NOLC1: variants seen among roughly 807,000 people sequenced by gnomAD.
NOLC1 encodes the protein 140 kDa nucleolar phosphoprotein.
Under a neutral mutation model 73.4 loss-of-function variants are expected in NOLC1, and 37 were observed. That is an observed-to-expected ratio of 0.50 (90% confidence interval 0.39 to 0.66). The LOEUF (loss-of-function observed/expected upper bound fraction) is 0.66. Among genes scored for constraint, NOLC1 ranks in the 30% least tolerant of loss-of-function variants. The pLI, the probability that NOLC1 is intolerant of heterozygous loss-of-function variation, is 0.00. For synonymous variants in NOLC1, 327 were observed against 302.6 expected (o/e 1.08, Z -0.84); for missense variants, 921 against 838.9 (o/e 1.10, Z -1.21).
At chr10:102,160,049 C>T (rs2069673572) in intron 8 of NOLC1, 25 bp downstream of exon 8, 2 of 1,608,500 alleles carry the variant, frequency 1.2e-6, no homozygotes. Context: ...TGCAGCCTCC[C>T]CTCAGCGTGG....
In NOLC1 at chr10:102,159,424, C is replaced by T; in HGVS notation, c.724-9C>T. ...TTTCCTGTGGTAATCAATTTTCTTT[C>T]TAATGCAGACTGTACCTAAAAAGCA... On this transcript the variant is annotated splice_polypyrimidine_tract_variant and intron_variant, in intron 6 of 12. Coordinates refer to ENST00000605788, the MANE Select transcript of NOLC1 (RefSeq NM_004741.5). The T allele has an allele frequency of 6.2e-7, 1 of 1,613,966 alleles. No homozygotes were observed. Among genetic ancestry groups the T allele is most frequent in the Non-Finnish European group, 8.5e-7 (1 of 1,179,954 alleles).
chr10:102,158,109 G>C lies in NOLC1; in HGVS notation c.502G>C (p.Asp168His). 1 of 1,614,072 alleles carries C rather than the reference G, an allele frequency of 6.2e-7. No homozygotes were observed. Among genetic ancestry groups the C allele is most frequent in the South Asian group, 1.1e-5 (1 of 91,064 alleles). ...TCCTCCTAAGAAGGCCAAGAGCTCT[G>C]ATTCTGATTCTGACTCAAGCTCCGA... is the stretch of plus-strand genomic sequence containing the variant. ...KAPPKKAKSS[D>H]SDSDSSSEDE... is the part of the protein sequence containing the mutation. Residue 168 changes from aspartate to histidine, a missense_variant, in exon 5 of 13, where the codon GAT (aspartate) becomes CAT (histidine). Transcript: ENST00000605788.
rs753438772 is a variant in NOLC1, at chr10:102,161,927, TGA to T, written c.1941+11_1941+12del. ...GCGGACAACTCCTTTGATGCCAAGG[TGA>T]GAGAGAGATCTGTGCCATTCTTGGG... On this transcript the variant is annotated splice_donor_region_variant and intron_variant, in intron 12 of 12. Transcript: ENST00000605788. 316 of 1,613,566 alleles carry T rather than the reference TGA, an allele frequency of 2.0e-4. No individual in the cohort carries two copies. The highest frequency in any genetic ancestry group is 2.6e-4 in the Non-Finnish European group (301 of 1,179,658).
intron 1 of NOLC1, among the ~76,000 whole-genome samples, chr10:102,155,183 G>A (rs1182310770): frequency 1.3e-5 from 2 of 151,194 alleles, no homozygotes; most frequent in Non-Finnish European, 3.0e-5. Flanking sequence ...GCGCCACCAC[G>A]CCCAGCTAAT....
chr10:102,155,047 AGTTTC>A, intron 1 of NOLC1, among the ~76,000 whole-genome samples: 1 of 133,950 alleles, frequency 7.5e-6, no homozygotes, highest in Non-Finnish European at 1.6e-5. Context: ...TTTTTGTGAC[AGTTTC>A]GCTCTTGTTG....
At position 102,156,043 on chromosome 10, in the gene NOLC1, T is replaced by C. The variant is rs1046598819; in HGVS notation, c.121-976T>C. ...GGCTAAGAGACAGGGTTTCTCCATG[T>C]TGGCCAGGCTGGTCTTGAACTCCTG... On this transcript the variant is annotated intron_variant, in intron 1 of 12. Transcript: ENST00000605788. 2.6e-4 allele frequency among the ~76,000 whole-genome samples: 39 copies of C among 152,238 alleles called. 1 individual carries two copies. Among genetic ancestry groups the C allele is most frequent in the African/African-American group, 9.2e-4 (38 of 41,462 alleles).
Position 102,155,125 on chromosome 10 carries a change from C to T in NOLC1, c.121-1894C>T, listed in dbSNP as rs146498246. Among the ~76,000 whole-genome samples, 104 of 150,806 alleles carry T rather than the reference C, an allele frequency of 6.9e-4. 1 individual carries two copies. Among genetic ancestry groups the T allele is most frequent in the Middle Eastern group, 6.8e-3 (2 of 292 alleles). On this transcript the variant is annotated intron_variant, in intron 1 of 12. Coordinates refer to ENST00000605788, the MANE Select transcript of NOLC1 (RefSeq NM_004741.5). ...ACAACCTCCACCTCCTGGGTTCAAG[C>T]GATTCTCCTGCCTTAGCCTCCTGAG... is the stretch of plus-strand genomic sequence containing the variant.
chr10:102,157,761 G>A (rs1206122504), intron 4 of NOLC1, among the ~76,000 whole-genome samples: 1 of 152,106 alleles, frequency 6.6e-6, no homozygotes, highest in African/African-American at 2.4e-5. Context: ...GAATCTAGAG[G>A]AAATTAAACC....
In NOLC1 at chr10:102,162,355, GT is replaced by G. The variant is rs1281219441; in HGVS notation, c.*87del. 2.1e-6 allele frequency: 3 copies of G among 1,446,196 alleles called. No homozygotes were observed. The highest frequency in any genetic ancestry group is 2.8e-6 in the Non-Finnish European group (3 of 1,052,966). 89.6% of individuals were successfully genotyped at this position (1,446,196 alleles called of 1,614,324 possible). A position where few individuals can be genotyped will look rare whatever the true frequency, so the allele number is the denominator to read the frequency against. On this transcript the variant is annotated 3_prime_UTR_variant, in exon 13 of 13. Transcript: ENST00000605788. ...GACCTGGGAACCCTCAGGTCTCTAG[GT>G]GAGGGTCTTGATGAGGACAGAAGTT... is the stretch of plus-strand genomic sequence containing the variant.
At position 102,161,919 on chromosome 10, in the gene NOLC1, T is replaced by G. The variant is rs1302250283; in HGVS notation, c.1935T>G (p.Asp645Glu). ...VDSRVADNSFDAKRGAAGDWG... is the reference protein window; with the variant it reads ...VDSRVADNSFEAKRGAAGDWG... ...CACGAGTTGCGGACAACTCCTTTGA[T>G]GCCAAGGTGAGAGAGAGATCTGTGC... The change falls in exon 12 of 13, where the codon GAT becomes GAG. Residue 645 changes from aspartate to glutamate, a missense_variant. By Grantham distance (45) the Asp-to-Glu change is conservative. Transcript: ENST00000605788. 1 of 1,614,080 alleles carries G rather than the reference T, an allele frequency of 6.2e-7. No individual in the cohort carries two copies. The highest frequency in any genetic ancestry group is 8.5e-7 in the Non-Finnish European group (1 of 1,179,944).
At chr10:102,159,842 T>A in intron 7 of NOLC1, 54 bp from the exon 8 acceptor site, 1 of 1,448,162 alleles carries the variant, frequency 6.9e-7, no homozygotes, top group East Asian at 2.5e-5. Context: ...GAAAGTAGTA[T>A]CAAAAAAAGT....
At chr10:102,159,127 G>T in intron 5 of NOLC1, 66 bp from the exon 6 acceptor site, 1 of 1,504,210 alleles carries the variant, frequency 6.6e-7, no homozygotes, top group Non-Finnish European at 9.0e-7. Context: ...CTCATAGGAA[G>T]GAGGTTTTTC....
In NOLC1 at chr10:102,159,810, G is replaced by A. The variant is rs1050411260; in HGVS notation, c.860-86G>A. ...TTCTGGCCCATACTCAAGTGAAGGG[G>A]AATTAAGCTTCATTTCTACAAGAAA... On this transcript the variant is annotated intron_variant, in intron 7 of 12. Transcript: ENST00000605788. 31 of 1,343,354 alleles carry A rather than the reference G, an allele frequency of 2.3e-5. No homozygotes were observed. In the South Asian group the frequency reaches 3.6e-4, roughly 16 times the overall value. 83.2% of individuals were successfully genotyped at this position (1,343,354 alleles called of 1,614,324 possible).
At chr10:102,159,117 C>G in intron 5 of NOLC1, 76 bp from the exon 6 acceptor site, 3 of 1,012,224 alleles carry the variant, frequency 3.0e-6, no homozygotes, top group Non-Finnish European at 4.4e-6. Context: ...AAGTTCTCTG[C>G]TCATAGGAAG....
Position 102,161,848 on chromosome 10 carries a change from TCATCCC to T in NOLC1, c.1868_1873del (p.Ser623_Pro624del), listed in dbSNP as rs772567254. 2 of 1,613,974 alleles carry T rather than the reference TCATCCC, an allele frequency of 1.2e-6. No individual in the cohort carries two copies. The highest frequency in any genetic ancestry group is 1.7e-6 in the Non-Finnish European group (2 of 1,180,000). On this transcript the variant is annotated inframe_deletion, in exon 12 of 13. Transcript: ENST00000605788. ...TCTTCTGTAGGGAGAAAAAAGGGCA[TCATCCC>T]CATTCCGAAGGGTCAGGGAGGAGGA...
chr10:102,162,563 G>T lies in NOLC1; in HGVS notation c.*294G>T, dbSNP rs1298380583. On this transcript the variant is annotated 3_prime_UTR_variant, in exon 13 of 13. Transcript: ENST00000605788. ...TTTTCTGTGAAAGTCCTCATACTGA[G>T]AAATTTGTATATTTTATATTAAATC... 2 of 222,846 alleles carry T rather than the reference G, an allele frequency of 9.0e-6. No individual in the cohort carries two copies. Among genetic ancestry groups the T allele is most frequent in the Non-Finnish European group, 1.7e-5 (2 of 114,886 alleles). 13.8% of individuals were successfully genotyped at this position (222,846 alleles called of 1,614,324 possible).
rs764883022 is a variant in NOLC1 at position 102,159,494 on chromosome 10, G to C, written c.785G>C (p.Arg262Pro). Reference sequence around the variant, plus strand: ...GTGAAAGCAGCTACCACCCCTACCCGGAAGAGTTCTAGCAGTGAGGATTCC... The same window carrying C: ...GTGAAAGCAGCTACCACCCCTACCCCGAAGAGTTCTAGCAGTGAGGATTCC... ...APVKAATTPTRKSSSSEDSSS... is the reference protein window; with the variant it reads ...APVKAATTPTPKSSSSEDSSS... The change falls in exon 7 of 13, where the codon CGG becomes CCG. Residue 262 changes from arginine (R) to proline (P), a missense_variant. Coordinates refer to ENST00000605788, the MANE Select transcript of NOLC1 (RefSeq NM_004741.5). 6.2e-7 allele frequency: 1 copy of C among 1,614,156 alleles called. No homozygotes were observed. Among genetic ancestry groups the C allele is most frequent in the Non-Finnish European group, 8.5e-7 (1 of 1,180,012 alleles).
intron 1 of NOLC1, among the ~76,000 whole-genome samples, chr10:102,153,273 G>A (rs2069536551): frequency 6.6e-6 from 1 of 152,216 alleles, no homozygotes; most frequent in Non-Finnish European, 1.5e-5. Context: ...CAATCTCAGT[G>A]CTGGTACAGA....
Position 102,160,116 on chromosome 10 carries a change from C to T in NOLC1, c.988+92C>T, listed in dbSNP as rs891796665. The T allele has an allele frequency of 3.6e-5, 57 of 1,587,162 alleles. No homozygotes were observed. The South Asian group carries it at 5.0e-4, about 14-fold the overall frequency. On this transcript the variant is annotated intron_variant, in intron 8 of 12. Coordinates refer to ENST00000605788, the MANE Select transcript of NOLC1 (RefSeq NM_004741.5). ...GAGAAAGCCTTCCATCCTTCGGTTG[C>T]TTTTTGCTTAAAGCAAGACAGAGCT...
Sources: gnomAD v4.1 joint callset for allele counts (sites outside exome capture counted in the v4.1 genomes callset) on GRCh38, gnomAD v4.1.1 for gene constraint, MANE v1.5 for transcripts, NCBI Gene and HGNC (gene_info 2026-07-23, HGNC 2026-07-21) for gene names.